The following FHAD1 variants were observed in gnomAD, a reference collection of about 807,000 sequenced individuals.
FHAD1 encodes forkhead-associated domain-containing protein 1.
A neutral mutation model predicts 191.3 loss-of-function variants in FHAD1; 146 were observed. The ratio of observed to expected loss-of-function variants is 0.76; its 90% CI spans 0.67 to 0.88. FHAD1 has a LOEUF of 0.88. Among genes scored for constraint, FHAD1 ranks in the 40% least tolerant of loss-of-function variants. The probability of loss-of-function intolerance (pLI) is 0.00; values close to 1 mark genes in which losing one functional copy is unlikely to be tolerated. For missense variants in FHAD1, 1,635 were observed against 1,785.8 expected, an observed-to-expected ratio of 0.92 and a Z score of 1.52; for synonymous variants, 616 against 672.3, an observed-to-expected ratio of 0.92 and a Z score of 1.29.
chr1:15,389,123 A>G (rs1388878800), intron 32 of FHAD1, among the ~76,000 whole-genome samples: 1 of 152,174 alleles, frequency 6.6e-6, no homozygotes, highest in Non-Finnish European at 1.5e-5. Flanking sequence ...CCACCAGAGC[A>G]GATGTTTTAC....
chr1:15,383,543 A>G (rs758916990), intron 31 of FHAD1: 21 of 337,234 alleles, frequency 6.2e-5, no homozygotes, highest in Non-Finnish European at 1.1e-4. Context: ...TGCAGTTGAC[A>G]TATTCATCAT....
At chr1:15,348,965 A>T (rs1689878601) in intron 18 of FHAD1, 77 bp from the exon 19 acceptor site, 1 of 888,434 alleles carries the variant, frequency 1.1e-6, no homozygotes, top group South Asian at 1.6e-5. Context: ...TATTATTATT[A>T]TTATTATCAT....
downstream of FHAD1, among the ~76,000 whole-genome samples, chr1:15,398,784 C>CAAA (rs5772639): frequency 5.2e-5 from 7 of 133,778 alleles, no homozygotes; most frequent in African/African-American, 1.7e-4. Flanking sequence ...GCCAGGCAGC[C>CAAA]AAAAAAAAAA....
intron 2 of FHAD1, among the ~76,000 whole-genome samples, chr1:15,264,352 CCTT>C (rs1411256102): frequency 6.6e-6 from 1 of 152,000 alleles, no homozygotes; most frequent in East Asian, 1.9e-4. Context: ...TCTTTTGCCT[CCTT>C]GGTTAAGTTT....
Position 15,272,495 on chromosome 1 carries a change from T to A in FHAD1, c.266T>A (p.Leu89Gln). ...ATCCTGAGATTTGGGTCTGCAGGGC[T>A]GACCTATGAACTGGTCATTGAAAAT... is the stretch of plus-strand genomic sequence containing the variant. ...GDILRFGSAG[L>Q]TYELVIENPP... Residue 89 changes from leucine (L) to glutamine (Q), a missense_variant, in exon 3 of 34, where the codon CTG (leucine) becomes CAG (glutamine). Transcript: ENST00000688493. The A allele has an allele frequency of 1.3e-6, 2 of 1,550,368 alleles. No homozygotes were observed. The highest frequency in any genetic ancestry group is 1.7e-6 in the Non-Finnish European group (2 of 1,146,958).
intron 10 of FHAD1, among the ~76,000 whole-genome samples, chr1:15,320,854 C>T (rs1418389421): frequency 6.6e-6 from 1 of 152,174 alleles, no homozygotes; most frequent in African/African-American, 2.4e-5. Context: ...AATTTATCTA[C>T]TTGCTCAGGG....
chr1:15,369,601 A>G (rs566578316), intron 26 of FHAD1, 99 bp downstream of exon 26: 2 of 1,360,458 alleles, frequency 1.5e-6, no homozygotes, highest in Non-Finnish European at 2.0e-6. Context: ...CTAAGTTCCA[A>G]AAGTATGGCT....
chr1:15,336,066 TGCACCTCTCCAAC>T (rs1353284751), intron 14 of FHAD1, among the ~76,000 whole-genome samples: 7 of 152,172 alleles, frequency 4.6e-5, no homozygotes, highest in Non-Finnish European at 1.0e-4. Context: ...ATCCTTGCAA[TGCACCTCTCCAAC>T]GCACCAACCC....
chr1:15,271,310 C>A (rs193059819), intron 2 of FHAD1, among the ~76,000 whole-genome samples: 122 of 152,302 alleles, frequency 8.0e-4, no homozygotes, highest in African/African-American at 2.8e-3. Context: ...GAGACTCTGT[C>A]TCAAAAATAA....
Position 15,381,514 on chromosome 1 carries a change from A to C in FHAD1, c.4022+63A>C. 4 of 1,309,388 alleles carry C rather than the reference A, an allele frequency of 3.1e-6. No homozygotes were observed. Among genetic ancestry groups the C allele is most frequent in the Non-Finnish European group, 4.3e-6 (4 of 931,546 alleles). 81.1% of individuals were successfully genotyped at this position (1,309,388 alleles called of 1,614,324 possible). Reference sequence around the variant, plus strand: ...GGCCTCCCTTCTCCTGGCTAAACTCAGGCTAGCAGCAGACCTCTAGGCCTG... The same window carrying C: ...GGCCTCCCTTCTCCTGGCTAAACTCCGGCTAGCAGCAGACCTCTAGGCCTG... On this transcript the variant is annotated intron_variant, in intron 30 of 33. Transcript: ENST00000688493. This position sits in a 1 kb window ranked among gnomAD's most constrained non-coding sequence, Gnocchi z 4.6.
At chr1:15,285,381 A>G (rs1020274210) in intron 3 of FHAD1, among the ~76,000 whole-genome samples, 2 of 152,092 alleles carry the variant, frequency 1.3e-5, no homozygotes, top group East Asian at 1.9e-4. Flanking sequence ...AAAATACAAA[A>G]AATTAGCTGG....
intron 19 of FHAD1, 29 bp from the exon 20 acceptor site, chr1:15,352,848 G>A: frequency 6.7e-7 from 1 of 1,499,800 alleles, no homozygotes. Flanking sequence ...GAGGGCACAG[G>A]CCCTCAAACC....
At chr1:15,345,944 G>A (rs1344995367) in intron 18 of FHAD1, among the ~76,000 whole-genome samples, 3 of 152,122 alleles carry the variant, frequency 2.0e-5, no homozygotes, top group Non-Finnish European at 4.4e-5. Flanking sequence ...AGGACAGTCC[G>A]TCCCAGCATG....
In FHAD1 at chr1:15,328,258, T is replaced by C. The variant is rs77207457; in HGVS notation, c.1558-19T>C. On this transcript the variant is annotated intron_variant, in intron 12 of 33. Coordinates refer to ENST00000688493, the MANE Select transcript of FHAD1 (RefSeq NM_001391957.1). The stretch of plus-strand genomic sequence containing the variant: ...TGTTACATCTTTTTTTTTTTTTTCC[T>C]TTTTCTTTTTCTCACCAGTTAATAG... 2.2e-6 allele frequency: 3 copies of C among 1,346,150 alleles called. No homozygotes were observed. The highest frequency in any genetic ancestry group is 1.6e-5 in the South Asian group (1 of 62,688). 83.4% of individuals were successfully genotyped at this position (1,346,150 alleles called of 1,614,324 possible).
intron 31 of FHAD1, chr1:15,383,998 ATGTG>A (rs757780252): frequency 6.2e-5 from 13 of 210,732 alleles, no homozygotes; most frequent in Admixed American, 1.0e-4. Context: ...GTACATTCTC[ATGTG>A]TGTGTGTGTG....
chr1:15,376,386 G>T (rs990004114), intron 28 of FHAD1, among the ~76,000 whole-genome samples: 1 of 152,188 alleles, frequency 6.6e-6, no homozygotes, highest in Non-Finnish European at 1.5e-5. Flanking sequence ...CACTGTGCCC[G>T]GCCGATCACG....
chr1:15,395,390 A>G (rs1374415465), intron 33 of FHAD1, among the ~76,000 whole-genome samples: 1 of 151,082 alleles, frequency 6.6e-6, no homozygotes, highest in Non-Finnish European at 1.5e-5. Flanking sequence ...GCACTCGGGC[A>G]CACACACGTC....
chr1:15,378,890 G>A (rs953519402), intron 28 of FHAD1, among the ~76,000 whole-genome samples: 4 of 152,102 alleles, frequency 2.6e-5, no homozygotes, highest in African/African-American at 7.2e-5. Flanking sequence ...GGGGTTGTCC[G>A]TGGCCTCCAG....
chr1:15,254,284 A>T (rs1445854739), intron 2 of FHAD1, among the ~76,000 whole-genome samples: 1 of 152,210 alleles, frequency 6.6e-6, no homozygotes, highest in Non-Finnish European at 1.5e-5. Flanking sequence ...TTGGAGATAG[A>T]CCTGGATTTG....
Sources: allele counts gnomAD v4.1 joint callset (sites outside exome capture counted in the v4.1 genomes callset), GRCh38; gene constraint gnomAD v4.1.1; non-coding constraint Gnocchi (gnomAD v3.1); transcripts MANE v1.5; gene names NCBI Gene and HGNC (gene_info 2026-07-23, HGNC 2026-07-21).